EOGT: variants seen among roughly 807,000 people sequenced by gnomAD.
EOGT encodes the protein EGF domain specific O-linked N-acetylglucosamine transferase.
A neutral mutation model predicts 70.5 loss-of-function variants in EOGT; 55 were observed. The observed-to-expected ratio is 0.78, with a 90% CI of 0.63 to 0.98. The LOEUF is 0.98. Among genes scored for constraint, EOGT ranks in the 50% least tolerant of loss-of-function variants. The probability of loss-of-function intolerance (pLI) is 0.00; values close to 1 mark genes in which losing one functional copy is unlikely to be tolerated. For missense variants in EOGT, 703 were observed against 641.9 expected, an observed-to-expected ratio of 1.10 and a Z score of -1.03; for synonymous variants, 246 against 217.1, an observed-to-expected ratio of 1.13 and a Z score of -1.17.
At position 68,989,670 on chromosome 3, in the gene EOGT, C is replaced by A. The variant is rs577417472; in HGVS notation, c.832-653G>T. 2.7e-4 allele frequency among the ~76,000 whole-genome samples: 40 copies of A among 150,758 alleles called. No individual in the cohort carries two copies. The South Asian group carries it at 7.1e-3, about 27-fold the overall frequency. ...GGCTGAGACAGGAGAATCACTTGAA[C>A]CTGGGAGGCGGGGGTTGCAGTGAGC... is the stretch of plus-strand genomic sequence containing the variant. On this transcript the variant is annotated intron_variant, in intron 10 of 17. Transcript: ENST00000383701.
chr3:69,010,766 T>C (rs1348142212), intron 3 of EOGT, among the ~76,000 whole-genome samples: 1 of 152,204 alleles, frequency 6.6e-6, no homozygotes, highest in Non-Finnish European at 1.5e-5. Flanking sequence ...GAAAAGTATC[T>C]GTGAGAGAGC....
At chr3:68,988,452 T>G (rs1008954132) in intron 12 of EOGT, 54 bp downstream of exon 12, 132 of 1,487,618 alleles carry the variant, frequency 8.9e-5, no homozygotes, top group South Asian at 7.2e-4. Flanking sequence ...TGTCAACTTA[T>G]GTATAAATGT....
intron 10 of EOGT, among the ~76,000 whole-genome samples, chr3:68,989,565 T>C (rs1224483657): frequency 1.3e-5 from 2 of 151,886 alleles, no homozygotes; most frequent in Admixed American, 1.3e-4. Flanking sequence ...CTGACCAATA[T>C]GATGAAACCC....
chr3:68,988,848 T>C (rs138136177), intron 11 of EOGT, 77 bp downstream of exon 11: 1 of 779,294 alleles, frequency 1.3e-6, no homozygotes, highest in Non-Finnish European at 2.0e-6. Context: ...TAGGAACTCA[T>C]AATAAATGTT....
chr3:68,987,898 T>C (rs1210333209), intron 13 of EOGT: 1 of 329,924 alleles, frequency 3.0e-6, no homozygotes. Context: ...TGGTTTCAGA[T>C]GACTCCAGGT....
rs976534982 is a variant in EOGT at position 69,008,494 on chromosome 3, T to C, written c.245A>G (p.Tyr82Cys). The change falls in exon 5 of 18, where the codon TAT becomes TGT. Residue 82 changes from tyrosine to cysteine, a missense_variant. Physicochemically the swap from Tyr to Cys is radical, Grantham distance 194. Transcript: ENST00000383701. ...GAACTCTGGTTTGCAGGATTTCTCA[T>C]AACCCCAGCAGTACTTTAGCTTCTC... ...HLEKLKYCWGYEKSCKPEFRF... is the reference protein window; with the variant it reads ...HLEKLKYCWGCEKSCKPEFRF... 6.2e-7 allele frequency: 1 copy of C among 1,614,144 alleles called. No individual in the cohort carries two copies. The highest frequency in any genetic ancestry group is 8.5e-7 in the Non-Finnish European group (1 of 1,179,990).
At position 69,005,210 on chromosome 3, in the gene EOGT, G is replaced by C. The variant is rs775116264; in HGVS notation, c.445C>G (p.Arg149Gly). Reference sequence around the variant, plus strand: ...GTTGCTCTGCAGTACTGAAGATAACGGGAACACACCAGACTTGAGTCACTC... The same window carrying C: ...GTTGCTCTGCAGTACTGAAGATAACCGGAACACACCAGACTTGAGTCACTC... ...ETSDSSLVCS[R>G]YLQYCRATNL... The change falls in exon 7 of 18, where the codon CGT becomes GGT. Residue 149 changes from arginine to glycine, a missense_variant. Physicochemically the swap from Arg to Gly is moderately radical, Grantham distance 125. Coordinates refer to ENST00000383701, the MANE Select transcript of EOGT (RefSeq NM_001278689.2). The C allele has an allele frequency of 6.2e-7, 1 of 1,602,218 alleles. No homozygotes were observed. The highest frequency in any genetic ancestry group is 1.1e-5 in the South Asian group (1 of 90,330).
At position 69,009,779 on chromosome 3, in the gene EOGT, G is replaced by A; in HGVS notation, c.68C>T (p.Pro23Leu). Residue 23 changes from proline to leucine, a missense_variant, in exon 4 of 18, where the codon CCT becomes CTT. Pro to Leu is a moderately conservative substitution (Grantham distance 98). Coordinates refer to ENST00000383701, the MANE Select transcript of EOGT (RefSeq NM_001278689.2). The stretch of plus-strand genomic sequence containing the variant: ...GCCTGGAATGCTGTGAGTATTAGGA[G>A]GAGCTTCATTCTGACCACTCAGTGA... ...EVSLSGQNEA[P>L]PNTHSIPGEP... 1 of 1,614,024 alleles carries A rather than the reference G, an allele frequency of 6.2e-7. No homozygotes were observed. The highest frequency in any genetic ancestry group is 1.1e-5 in the South Asian group (1 of 91,074).
chr3:69,004,380 T>G lies in EOGT; in HGVS notation c.618A>C (p.Ser206=), dbSNP rs373952598. The G allele has an allele frequency of 3.1e-6, 5 of 1,610,660 alleles. No homozygotes were observed. The highest frequency in any genetic ancestry group is 4.2e-6 in the Non-Finnish European group (5 of 1,177,382). ...CAGATACGTTAAAAATATCTTACCA[T>G]GACTGCAGAGGGCTTTTGCGCTGAC... ...SEGQRKSPLQ[S]WFAELQSYTQ... is the part of the protein sequence containing the mutation. Residue 206 remains serine (S), a splice_region_variant and synonymous_variant, in exon 8 of 18, where the codon TCA becomes TCC. Transcript: ENST00000383701.
At position 68,979,688 on chromosome 3, in the gene EOGT, G is replaced by T. The variant is rs1456414945; in HGVS notation, c.1314C>A (p.Asp438Glu). 1.2e-6 allele frequency: 2 copies of T among 1,613,860 alleles called. No homozygotes were observed. The highest frequency in any genetic ancestry group is 1.7e-6 in the Non-Finnish European group (2 of 1,179,864). ...CTTACAGTTCAAATACAGCAGCCCA[G>T]TCTGGAAGGAAAAGTAAATGGGTCA... is the stretch of plus-strand genomic sequence containing the variant. The part of the protein sequence containing the change: ...AGLTHLLFLP[D>E]WAAVFELYNC... Residue 438 changes from aspartate (D) to glutamate (E), a missense_variant, in exon 16 of 18, where the codon GAC becomes GAA. Coordinates refer to ENST00000383701, the MANE Select transcript of EOGT (RefSeq NM_001278689.2).
At chr3:69,008,608 A>C in intron 4 of EOGT, 80 bp from the exon 5 acceptor site, 1 of 942,722 alleles carries the variant, frequency 1.1e-6, no homozygotes, top group South Asian at 1.4e-5. Context: ...AAGAAAACAA[A>C]TCATTATAGA....
At position 68,978,321 on chromosome 3, in the gene EOGT, A is replaced by T. The variant is rs757674841; in HGVS notation, c.1437+12T>A. The T allele has an allele frequency of 6.3e-7, 1 of 1,593,934 alleles. No homozygotes were observed. Among genetic ancestry groups the T allele is most frequent in the South Asian group, 1.1e-5 (1 of 88,786 alleles). The stretch of plus-strand genomic sequence containing the variant: ...AAAATGAAGCAAGGTAAGTTTTGTG[A>T]TTGAACTTTACCTTATCCTGAGGAA... On this transcript the variant is annotated intron_variant, in intron 17 of 17. Transcript: ENST00000383701.
intron 14 of EOGT, among the ~76,000 whole-genome samples, chr3:68,984,787 C>T (rs897961044): frequency 6.6e-6 from 1 of 152,150 alleles, no homozygotes; most frequent in African/African-American, 2.4e-5. Context: ...AGCACTATAC[C>T]TTTCTACTGG....
intron 15 of EOGT, among the ~76,000 whole-genome samples, chr3:68,980,567 C>G (rs962048254): frequency 6.6e-6 from 1 of 152,108 alleles, no homozygotes; most frequent in Non-Finnish European, 1.5e-5. Flanking sequence ...TCTCCCAGCC[C>G]CAACTTACCC....
rs767050837 is a variant in EOGT, at chr3:68,977,593, C to G, written c.*25G>C. 1 of 1,612,682 alleles carries G rather than the reference C, an allele frequency of 6.2e-7. No individual in the cohort carries two copies. The highest frequency in any genetic ancestry group is 2.2e-5 in the East Asian group (1 of 44,848). On this transcript the variant is annotated 3_prime_UTR_variant, in exon 18 of 18. Transcript: ENST00000383701. ...GGGTGTTGGAGTGTTTAAACACTCT[C>G]TTTTTGCAAACAGACTCAGCATATT...
At position 68,982,496 on chromosome 3, in the gene EOGT, G is replaced by A. The variant is rs1045135052; in HGVS notation, c.1214+315C>T. ...GATGGCACCACTGCACTCCAGCCTG[G>A]GTGACAGAGCAAGATTCTGTCTCAA... On this transcript the variant is annotated intron_variant, in intron 15 of 17. Coordinates refer to ENST00000383701, the MANE Select transcript of EOGT (RefSeq NM_001278689.2). Among the ~76,000 whole-genome samples, 73 of 152,058 alleles carry A rather than the reference G, an allele frequency of 4.8e-4. 1 individual carries two copies. Among genetic ancestry groups the A allele is most frequent in the Non-Finnish European group, 8.8e-5 (6 of 68,020 alleles).
Position 68,987,468 on chromosome 3 carries a change from G to C in EOGT, c.1129C>G (p.Arg377Gly). 6.2e-7 allele frequency: 1 copy of C among 1,613,366 alleles called. No individual in the cohort carries two copies. The highest frequency in any genetic ancestry group is 8.5e-7 in the Non-Finnish European group (1 of 1,179,794). Residue 377 changes from arginine to glycine, a missense_variant, in exon 14 of 18, where the codon CGG becomes GGG. Transcript: ENST00000383701. ...ACCTCATTTTGGTTAAGGATTTTCC[G>C]GTATTCTGTGCTCCGTGCAAGAATG... ...VTILARSTEY[R>G]KILNQNELVN...
At chr3:68,979,853 C>A in intron 15 of EOGT, 66 bp from the exon 16 acceptor site, 1 of 1,483,006 alleles carries the variant, frequency 6.7e-7, no homozygotes, top group Middle Eastern at 1.7e-4. Flanking sequence ...TGAGTTAGTT[C>A]ATGATTCACA....
intron 3 of EOGT, among the ~76,000 whole-genome samples, chr3:69,011,190 G>GTTCTTTTTTT (rs1553674972): frequency 1.1e-4 from 1 of 8,820 alleles, no homozygotes; most frequent in African/African-American, 3.6e-4. Context: ...TGGGATCTTT[G>GTTCTTTTTTT]TTCTTTTTTT....
Sources: allele counts gnomAD v4.1 joint callset (sites outside exome capture counted in the v4.1 genomes callset), GRCh38; gene constraint gnomAD v4.1.1; transcripts MANE v1.5; gene names NCBI Gene and HGNC (gene_info 2026-07-23, HGNC 2026-07-21).